PLCB1: variants seen among roughly 807,000 people sequenced by gnomAD.
PLCB1 encodes 1-phosphatidylinositol 4,5-bisphosphate phosphodiesterase beta-1.
In PLCB1, 46 loss-of-function variants were observed where a neutral mutation model predicts 161.8. That is an observed-to-expected ratio of 0.28 (90% confidence interval 0.22 to 0.36). The LOEUF is 0.36. Among genes scored for constraint, PLCB1 ranks in the 10% least tolerant of loss-of-function variants. The probability of loss-of-function intolerance (pLI) is 1.00; values close to 1 mark genes in which losing one functional copy is unlikely to be tolerated. For missense variants in PLCB1, 1,016 were observed against 1,472.5 expected (o/e 0.69, Z 5.07); for synonymous variants, 517 against 503.7 (o/e 1.03, Z -0.35).
intron 9 of PLCB1, among the ~76,000 whole-genome samples, chr20:8,666,171 GCC>G (rs1465305360): frequency 6.6e-6 from 1 of 152,110 alleles, no homozygotes; most frequent in Non-Finnish European, 1.5e-5. Context: ...GTGAGACTGA[GCC>G]CTAACTGCCC....
In PLCB1 at chr20:8,197,469, G is replaced by A. The variant is rs543214827; in HGVS notation, c.177+47098G>A. Reference sequence around the variant, plus strand: ...GCTGCATAAATGTCTTCTTTTGAGAGGTGTCTGTTCATATCCTTTGCCCAC... The same window carrying A: ...GCTGCATAAATGTCTTCTTTTGAGAAGTGTCTGTTCATATCCTTTGCCCAC... On this transcript the variant is annotated intron_variant, in intron 2 of 31. Coordinates refer to ENST00000338037, the MANE Select transcript of PLCB1 (RefSeq NM_015192.4). Among the ~76,000 whole-genome samples the A allele has an allele frequency of 6.5e-3, 988 of 152,084 alleles. 7 individuals carry two copies. The highest frequency in any genetic ancestry group is 0.012 in the Non-Finnish European group (805 of 67,976).
chr20:8,720,314 G>A (rs193241020), intron 14 of PLCB1, among the ~76,000 whole-genome samples: 2,334 of 152,238 alleles, frequency 0.015, 41 homozygotes, highest in Admixed American at 0.018. Context: ...ATAGAGAAAG[G>A]GCAACAATCT....
chr20:8,528,226 C>A lies in PLCB1; in HGVS notation c.247-100068C>A, dbSNP rs563182504. ...CCAATGTAAATGAAGACATATGAAT[C>A]CACACAATGACTTTTACATCAATGT... On this transcript the variant is annotated intron_variant, in intron 3 of 31. Coordinates refer to ENST00000338037, the MANE Select transcript of PLCB1 (RefSeq NM_015192.4). Among the ~76,000 whole-genome samples, 3 of 152,142 alleles carry A rather than the reference C, an allele frequency of 2.0e-5. No individual in the cohort carries two copies. In the South Asian group the frequency reaches 6.2e-4, roughly 32 times the overall value.
In PLCB1 at chr20:8,132,456, C is replaced by T. The variant is rs991899698; in HGVS notation, c.-196C>T. On this transcript the variant is annotated 5_prime_UTR_variant, in exon 1 of 32. Transcript: ENST00000338037. The surrounding 1 kb of genome is among the most constrained non-coding windows in gnomAD (Gnocchi z 5.2). ...CCGCCCGGGGCATGGCCGGGCGCTG[C>T]GCCCCCGCGCGCTCTGCCTGCTGAG... 7.7e-5 allele frequency: 25 copies of T among 323,704 alleles called. No individual in the cohort carries two copies. Among genetic ancestry groups the T allele is most frequent in the Non-Finnish European group, 1.3e-4 (24 of 178,450 alleles). The allele number at this position is 323,704 out of a possible 1,614,324, so 20.1% of individuals were successfully genotyped here.
rs1207409565 is a variant in PLCB1, at chr20:8,882,572, C to G, written c.*723C>G. The G allele has an allele frequency of 1.3e-5, 2 of 152,712 alleles. No individual in the cohort carries two copies. The highest frequency in any genetic ancestry group is 4.8e-5 in the African/African-American group (2 of 41,460). 9.5% of individuals were successfully genotyped at this position (152,712 alleles called of 1,614,324 possible). A position where few individuals can be genotyped will look rare whatever the true frequency, so the allele number is the denominator to read the frequency against. On this transcript the variant is annotated 3_prime_UTR_variant, in exon 32 of 32. Transcript: ENST00000338037. ...GCTGCATGAGCAAGTCGGCCGCACA[C>G]TTCCAGACAGTGTGCTGTTTGAATT...
intron 31 of PLCB1, among the ~76,000 whole-genome samples, chr20:8,795,963 C>G (rs942715019): frequency 6.6e-6 from 1 of 151,844 alleles, no homozygotes; most frequent in African/African-American, 2.4e-5. Flanking sequence ...TTATTGATCA[C>G]TTTGCTGCTC....
At chr20:8,314,897 A>C (rs927871945) in intron 2 of PLCB1, among the ~76,000 whole-genome samples, 1 of 152,084 alleles carries the variant, frequency 6.6e-6, no homozygotes, top group African/African-American at 2.4e-5. Flanking sequence ...CTGGCACTTT[A>C]TTTCAGTCAT....
At chr20:8,567,689 T>A (rs956329500) in intron 3 of PLCB1, among the ~76,000 whole-genome samples, 1 of 152,048 alleles carries the variant, frequency 6.6e-6, no homozygotes, top group African/African-American at 2.4e-5. Flanking sequence ...TGCCTGTGAA[T>A]AGCCACTGCA....
At chr20:8,233,541 T>G (rs1238368095) in intron 2 of PLCB1, among the ~76,000 whole-genome samples, 1 of 152,182 alleles carries the variant, frequency 6.6e-6, no homozygotes, top group East Asian at 1.9e-4. Context: ...TTTCTTTCCT[T>G]TACCTTTTCT....
chr20:8,727,168 T>A, intron 16 of PLCB1, 141 bp from the exon 17 acceptor site: 1 of 547,080 alleles, frequency 1.8e-6, no homozygotes, highest in Non-Finnish European at 3.2e-6. Flanking sequence ...GAAAAAAAAA[T>A]TAAATATTGA....
intron 3 of PLCB1, among the ~76,000 whole-genome samples, chr20:8,531,898 A>C (rs1299600547): frequency 6.6e-6 from 1 of 150,560 alleles, no homozygotes. Context: ...TTGTTTCATA[A>C]ATTTGGTTTA....
At chr20:8,523,484 CTCTCTCTCTCTCTATATATATATAT>C (rs1984440132) in intron 3 of PLCB1, among the ~76,000 whole-genome samples, 1 of 59,866 alleles carries the variant, frequency 1.7e-5, no homozygotes, top group African/African-American at 9.3e-5. Flanking sequence ...CTCTCTCTCT[CTCTCTCTCTCTCTATATATATATAT>C]ATATATATAT....
At chr20:8,670,553 A>T (rs1989917261) in intron 9 of PLCB1, among the ~76,000 whole-genome samples, 1 of 152,238 alleles carries the variant, frequency 6.6e-6, no homozygotes, top group African/African-American at 2.4e-5. Flanking sequence ...GTAATAGCAC[A>T]GTTTTTGCAA....
chr20:8,200,581 G>C (rs1461539976), intron 2 of PLCB1, among the ~76,000 whole-genome samples: 3 of 152,058 alleles, frequency 2.0e-5, no homozygotes, highest in Middle Eastern at 3.4e-3. Context: ...TTGGAGCTTA[G>C]AATATTGATC....
intron 1 of PLCB1, among the ~76,000 whole-genome samples, chr20:8,134,305 A>C (rs781666819): frequency 9.2e-5 from 14 of 152,238 alleles, no homozygotes. Context: ...TGATGTGATG[A>C]TGGATTTACT....
chr20:8,169,415 T>C (rs1183082500), intron 2 of PLCB1, among the ~76,000 whole-genome samples: 1 of 152,222 alleles, frequency 6.6e-6, no homozygotes, highest in East Asian at 1.9e-4. Flanking sequence ...CCCATGAGGA[T>C]TAAATGAGAT....
intron 3 of PLCB1, among the ~76,000 whole-genome samples, chr20:8,423,772 C>G (rs1421480829): frequency 1.3e-5 from 2 of 152,136 alleles, no homozygotes; most frequent in Non-Finnish European, 2.9e-5. Context: ...CTAGTTCTGC[C>G]CCTTAAATTT....
At chr20:8,477,175 A>G (rs1475348858) in intron 3 of PLCB1, among the ~76,000 whole-genome samples, 2 of 152,134 alleles carry the variant, frequency 1.3e-5, no homozygotes, top group African/African-American at 4.8e-5. Flanking sequence ...ACAGAATCGC[A>G]GGCCCCTCCA....
intron 9 of PLCB1, among the ~76,000 whole-genome samples, chr20:8,660,588 G>A (rs1344715144): frequency 1.6e-4 from 24 of 152,040 alleles, no homozygotes; most frequent in Admixed American, 1.5e-3. Flanking sequence ...CTTGCACGAT[G>A]TAGAGGGTAC....
Sources: allele counts gnomAD v4.1 joint callset (sites outside exome capture counted in the v4.1 genomes callset), GRCh38; gene constraint gnomAD v4.1.1; non-coding constraint Gnocchi (gnomAD v3.1); transcripts MANE v1.5; gene names NCBI Gene and HGNC (gene_info 2026-07-23, HGNC 2026-07-21).